The following HDAC9 variants were observed in gnomAD, a reference collection of about 807,000 sequenced individuals.
The protein encoded by HDAC9 is MEF-2 interacting transcription repressor (MITR) protein.
A neutral mutation model predicts 139.4 loss-of-function variants in HDAC9; 41 were observed. That is an observed-to-expected ratio of 0.29 (90% confidence interval 0.23 to 0.38). The LOEUF (loss-of-function observed/expected upper bound fraction) is 0.38. HDAC9 is among the 10% of genes least tolerant of loss of function. The pLI is 1.00. For missense variants in HDAC9, 1,147 were observed against 1,297.0 expected, an observed-to-expected ratio of 0.88 and a Z score of 1.78; for synonymous variants, 517 against 476.2, an observed-to-expected ratio of 1.09 and a Z score of -1.12.
intron 2 of HDAC9, among the ~76,000 whole-genome samples, chr7:18,172,523 G>A (rs1278911169): frequency 6.6e-6 from 1 of 152,094 alleles, no homozygotes; most frequent in Non-Finnish European, 1.5e-5. Flanking sequence ...TGCTTCTCTA[G>A]TTCGTTTAAC....
At chr7:18,157,388 C>G (rs1787289770) in intron 1 of HDAC9, among the ~76,000 whole-genome samples, 1 of 151,990 alleles carries the variant, frequency 6.6e-6, no homozygotes, top group Non-Finnish European at 1.5e-5. Context: ...TGAAAGGAGA[C>G]CAGTTATGAA....
intron 2 of HDAC9, among the ~76,000 whole-genome samples, chr7:18,582,369 A>G (rs1417043530): frequency 6.6e-6 from 1 of 152,218 alleles, no homozygotes; most frequent in African/African-American, 2.4e-5. Flanking sequence ...AAAAACTAAT[A>G]TGATTTAAAA....
intron 3 of HDAC9, among the ~76,000 whole-genome samples, chr7:18,589,923 A>AT (rs1017931200): frequency 1.3e-5 from 2 of 152,144 alleles, no homozygotes; most frequent in Admixed American, 6.6e-5. Flanking sequence ...TTTTTACACC[A>AT]TTTTTTAGGC....
intron 1 of HDAC9, among the ~76,000 whole-genome samples, chr7:18,390,393 A>T (rs556636787): frequency 1.7e-4 from 26 of 152,266 alleles, no homozygotes; most frequent in African/African-American, 6.0e-4. Flanking sequence ...TCTCACAGCA[A>T]CCATTGGTTC....
intron 1 of HDAC9, among the ~76,000 whole-genome samples, chr7:18,135,318 A>G (rs1390297862): frequency 1.9e-5 from 2 of 106,092 alleles, no homozygotes; most frequent in South Asian, 2.7e-4. Flanking sequence ...TTTTTTTATT[A>G]TACTTTAAGT....
intron 9 of HDAC9, among the ~76,000 whole-genome samples, chr7:18,647,074 G>T (rs1787651445): frequency 6.6e-6 from 1 of 152,090 alleles, no homozygotes; most frequent in South Asian, 2.1e-4. Context: ...AAGCCATGTA[G>T]AGAAAGGGTA....
chr7:18,629,304 T>C (rs1410222834), intron 6 of HDAC9, 46 bp from the exon 7 acceptor site: 2 of 1,491,866 alleles, frequency 1.3e-6, no homozygotes, highest in African/African-American at 1.5e-5. Flanking sequence ...TGGCTCTCTA[T>C]TTTTTTAATT....
chr7:18,560,735 G>C (rs903665297), intron 2 of HDAC9, among the ~76,000 whole-genome samples: 1 of 152,144 alleles, frequency 6.6e-6, no homozygotes, highest in Admixed American at 6.6e-5. Context: ...TTTTGATAGA[G>C]GGAACGTGGA....
At position 18,999,933 on chromosome 7, in the gene HDAC9, GTGTT is replaced by G. The variant is rs560917254; in HGVS notation, c.*3874_*3877del. 79 of 152,310 alleles carry G rather than the reference GTGTT, an allele frequency of 5.2e-4. No homozygotes were observed. Among genetic ancestry groups the G allele is most frequent in the African/African-American group, 1.8e-3 (76 of 41,568 alleles). The allele number at this position is 152,310 out of a possible 1,614,324, so 9.4% of individuals were successfully genotyped here. On this transcript the variant is annotated 3_prime_UTR_variant, in exon 26 of 26. Coordinates refer to ENST00000686413, the MANE Select transcript of HDAC9 (RefSeq NM_178425.4). Reference sequence around the variant, plus strand: ...TTCTGAGCTTGAAACGACTCTGTCAGTGTTTGACATTGTCATTTCTAGTGGCATG... The same window carrying G: ...TTCTGAGCTTGAAACGACTCTGTCAGTGACATTGTCATTTCTAGTGGCATG...
chr7:18,952,892 G>A (rs1177409665), intron 23 of HDAC9, among the ~76,000 whole-genome samples: 3 of 150,408 alleles, frequency 2.0e-5, no homozygotes, highest in Non-Finnish European at 4.4e-5. Context: ...TTCTTTGGCA[G>A]CTAAGAAAAA....
intron 1 of HDAC9, chr7:18,458,834 C>A: frequency 6.5e-7 from 1 of 1,532,612 alleles, no homozygotes; most frequent in Non-Finnish European, 8.7e-7. Flanking sequence ...ACTTTCTTAT[C>A]CCCACAGACC....
At chr7:18,844,867 TC>T (rs1299824066) in intron 21 of HDAC9, among the ~76,000 whole-genome samples, 1 of 152,176 alleles carries the variant, frequency 6.6e-6, no homozygotes, top group Non-Finnish European at 1.5e-5. Context: ...CCATGTTGCC[TC>T]CCCTGTAGAA....
chr7:18,147,715 CAT>C (rs1262990180), intron 1 of HDAC9, among the ~76,000 whole-genome samples: 12 of 151,324 alleles, frequency 7.9e-5, no homozygotes, highest in Non-Finnish European at 1.5e-4. Flanking sequence ...CAGAGTTAGC[CAT>C]TATCCTGAGT....
intron 1 of HDAC9, among the ~76,000 whole-genome samples, chr7:18,384,287 G>A (rs1490074358): frequency 4.0e-5 from 6 of 151,818 alleles, no homozygotes; most frequent in Non-Finnish European, 7.4e-5. Flanking sequence ...CAACCTGAGG[G>A]ACAGAGGGAG....
chr7:18,125,432 CGTGTGTGTGT>C (rs10647409), intron 1 of HDAC9, among the ~76,000 whole-genome samples: 16 of 142,648 alleles, frequency 1.1e-4, no homozygotes, highest in Admixed American at 6.1e-4. Context: ...TATATATATG[CGTGTGTGTGT>C]GTGTGTGTGT....
chr7:18,632,658 CT>C (rs1782694120), intron 7 of HDAC9, among the ~76,000 whole-genome samples: 4 of 152,054 alleles, frequency 2.6e-5, no homozygotes, highest in Non-Finnish European at 1.5e-5. Context: ...ATATTAGGCT[CT>C]ATTTTGGAGC....
chr7:18,662,979 A>G (rs548771605), intron 11 of HDAC9, among the ~76,000 whole-genome samples: 1 of 152,164 alleles, frequency 6.6e-6, no homozygotes, highest in South Asian at 2.1e-4. Context: ...ACCCATATTG[A>G]AAGGAGCAGG....
intron 22 of HDAC9, among the ~76,000 whole-genome samples, chr7:18,914,509 G>A (rs1369934843): frequency 6.6e-6 from 1 of 151,900 alleles, no homozygotes; most frequent in African/African-American, 2.4e-5. Context: ...CAGAAATAAT[G>A]AATTTGGGGT....
chr7:18,377,639 A>C (rs1452374314), intron 1 of HDAC9, among the ~76,000 whole-genome samples: 1 of 152,208 alleles, frequency 6.6e-6, no homozygotes, highest in Non-Finnish European at 1.5e-5. Flanking sequence ...ATGATTTGAA[A>C]TTTAAATAGC....
Sources: gnomAD v4.1 joint callset for allele counts (sites outside exome capture counted in the v4.1 genomes callset) on GRCh38, gnomAD v4.1.1 for gene constraint, MANE v1.5 for transcripts, NCBI Gene and HGNC (gene_info 2026-07-23, HGNC 2026-07-21) for gene names.